The following ABCC1 variants were observed in gnomAD, a reference collection of about 807,000 sequenced individuals.
ABCC1 encodes the protein multidrug resistance-associated protein 1.
In ABCC1, 83 loss-of-function variants were observed where a neutral mutation model predicts 172.9. The observed-to-expected ratio is 0.48, with a 90% confidence interval of 0.40 to 0.58. The LOEUF is 0.58. Ranked by LOEUF, ABCC1 falls within the 20% of genes least tolerant of loss-of-function variation. The probability of loss-of-function intolerance (pLI) is 0.00; values close to 1 mark genes in which losing one functional copy is unlikely to be tolerated. For synonymous variants in ABCC1, 937 were observed against 825.2 expected (o/e 1.14, Z -2.32); for missense variants, 1,817 against 2,002.7 (o/e 0.91, Z 1.77).
intron 1 of ABCC1, among the ~76,000 whole-genome samples, chr16:15,966,860 G>A (rs926531998): frequency 6.6e-6 from 1 of 152,016 alleles, no homozygotes; most frequent in African/African-American, 2.4e-5. Context: ...CTGTCACCCA[G>A]GCTGGAGTGC....
intron 1 of ABCC1, among the ~76,000 whole-genome samples, chr16:16,006,842 CGTGGTG>C (rs71388786): frequency 2.4e-5 from 2 of 82,870 alleles, no homozygotes; most frequent in Non-Finnish European, 3.2e-5. Flanking sequence ...GGTTGTTATC[CGTGGTG>C]GTGGCGGTGG....
chr16:16,087,621 C>A (rs1158700040), intron 18 of ABCC1, among the ~76,000 whole-genome samples: 1 of 152,084 alleles, frequency 6.6e-6, no homozygotes, highest in East Asian at 1.9e-4. Context: ...CCACGCCTGG[C>A]TAATTTTTTT....
intron 4 of ABCC1, 24 bp from the exon 5 acceptor site, chr16:16,016,472 C>A: frequency 5.0e-6 from 8 of 1,599,512 alleles, no homozygotes; most frequent in Non-Finnish European, 6.9e-6. Flanking sequence ...TGATCTTTTT[C>A]TTCCTTCCTT....
chr16:16,092,637 G>T (rs1025615632), intron 19 of ABCC1, among the ~76,000 whole-genome samples: 1 of 152,078 alleles, frequency 6.6e-6, no homozygotes, highest in Non-Finnish European at 1.5e-5. Context: ...GGACATTCAG[G>T]TTTTTTCCAC....
intron 10 of ABCC1, 57 bp downstream of exon 10, chr16:16,048,360 A>C: frequency 6.3e-7 from 1 of 1,597,302 alleles, no homozygotes. Context: ...ACGTGTGGGC[A>C]GTGGGCCGAG....
intron 27 of ABCC1, among the ~76,000 whole-genome samples, chr16:16,132,781 C>T (rs955002939): frequency 2.0e-5 from 3 of 151,980 alleles, no homozygotes; most frequent in African/African-American, 7.3e-5. Flanking sequence ...CTCAGCCTCC[C>T]CAAGTGCTGG....
At chr16:16,044,349 C>T (rs2049110438) in intron 7 of ABCC1, 101 bp from the exon 8 acceptor site, 3 of 1,050,452 alleles carry the variant, frequency 2.9e-6, no homozygotes, top group Admixed American at 2.1e-5. Flanking sequence ...TTGTCTTTGA[C>T]TCTGCCTTCC....
chr16:16,077,404 G>A (rs1248276675), intron 15 of ABCC1, among the ~76,000 whole-genome samples: 2 of 152,150 alleles, frequency 1.3e-5, no homozygotes, highest in South Asian at 4.1e-4. Flanking sequence ...TTGTTGAGCT[G>A]CACAACTAAT....
At chr16:16,064,264 G>A (rs939789078) in intron 12 of ABCC1, among the ~76,000 whole-genome samples, 6 of 152,108 alleles carry the variant, frequency 3.9e-5, no homozygotes, top group African/African-American at 7.2e-5. Flanking sequence ...ATTACAAGGC[G>A]AACTCCAGTC....
At chr16:16,033,053 A>G in intron 5 of ABCC1, 56 bp from the exon 6 acceptor site, 1 of 1,563,634 alleles carries the variant, frequency 6.4e-7, no homozygotes, top group South Asian at 1.1e-5. Flanking sequence ...ACCTGGATGA[A>G]AAGTCAAATC....
At chr16:16,043,071 C>T (rs942155716) in intron 7 of ABCC1, among the ~76,000 whole-genome samples, 2 of 151,524 alleles carry the variant, frequency 1.3e-5, no homozygotes. Flanking sequence ...CCATGTTGGT[C>T]AGGGTGTTCT....
chr16:16,002,291 G>T (rs2047342870), intron 1 of ABCC1, among the ~76,000 whole-genome samples: 1 of 152,134 alleles, frequency 6.6e-6, no homozygotes, highest in South Asian at 2.1e-4. Flanking sequence ...GATAACAGAA[G>T]ATGTATATTT....
At chr16:16,064,583 T>C (rs1458876354) in intron 12 of ABCC1, among the ~76,000 whole-genome samples, 4 of 152,214 alleles carry the variant, frequency 2.6e-5, no homozygotes, top group African/African-American at 9.6e-5. Context: ...GGTACTTGGC[T>C]CACCAAGGGG....
chr16:16,122,578 A>G (rs1274510568), intron 24 of ABCC1, among the ~76,000 whole-genome samples: 2 of 152,040 alleles, frequency 1.3e-5, no homozygotes, highest in Non-Finnish European at 2.9e-5. Context: ...AAGCTAAACC[A>G]TATGAGATTG....
At chr16:16,132,573 G>A (rs1169985926) in intron 27 of ABCC1, among the ~76,000 whole-genome samples, 1 of 125,108 alleles carries the variant, frequency 8.0e-6, no homozygotes, top group African/African-American at 3.0e-5. Context: ...CAAGGCCAGA[G>A]TGCAGGGGCC....
intron 19 of ABCC1, among the ~76,000 whole-genome samples, chr16:16,096,994 C>T (rs2051509294): frequency 6.6e-6 from 1 of 152,164 alleles, no homozygotes; most frequent in African/African-American, 2.4e-5. Context: ...CCCTCTTCTT[C>T]CCTGCTTTGA....
chr16:16,021,588 G>A (rs2048195271), intron 5 of ABCC1, among the ~76,000 whole-genome samples: 1 of 152,102 alleles, frequency 6.6e-6, no homozygotes, highest in Admixed American at 6.6e-5. Context: ...ATGGTGTTGA[G>A]CACCTGTGAT....
intron 23 of ABCC1, among the ~76,000 whole-genome samples, chr16:16,118,003 T>C (rs942594150): frequency 6.6e-6 from 1 of 152,202 alleles, no homozygotes; most frequent in Non-Finnish European, 1.5e-5. Context: ...ATATGTTCTT[T>C]GTTCTTTGAA....
Position 16,142,562 on chromosome 16 carries a change from C to T in ABCC1, c.*1281C>T, listed in dbSNP as rs1409883303. 2 of 151,606 alleles carry T rather than the reference C, an allele frequency of 1.3e-5. No homozygotes were observed. The highest frequency in any genetic ancestry group is 2.9e-5 in the Non-Finnish European group (2 of 67,944). 9.4% of individuals were successfully genotyped at this position (151,606 alleles called of 1,614,324 possible). ...AACTTGATATTTAGTTACTGATGCTCTTCCAGGACACGAAAAGAACCCATC... is the reference window on the plus strand; with the variant it reads ...AACTTGATATTTAGTTACTGATGCTTTTCCAGGACACGAAAAGAACCCATC... On this transcript the variant is annotated 3_prime_UTR_variant, in exon 31 of 31. Coordinates refer to ENST00000399410, the MANE Select transcript of ABCC1 (RefSeq NM_004996.4).
Sources: allele counts gnomAD v4.1 joint callset (sites outside exome capture counted in the v4.1 genomes callset), GRCh38; gene constraint gnomAD v4.1.1; transcripts MANE v1.5; gene names NCBI Gene and HGNC (gene_info 2026-07-23, HGNC 2026-07-21).